CFAP58: variants seen among roughly 807,000 people sequenced by gnomAD.
The protein encoded by CFAP58 is cilia- and flagella-associated protein 58.
Under a neutral mutation model 119.5 loss-of-function variants are expected in CFAP58, and 88 were observed. The ratio of observed to expected loss-of-function variants is 0.74; its 90% CI spans 0.62 to 0.88. The LOEUF (loss-of-function observed/expected upper bound fraction) is 0.88. Among genes scored for constraint, CFAP58 ranks in the 40% least tolerant of loss-of-function variants. The pLI, the probability that CFAP58 is intolerant of heterozygous loss-of-function variation, is 0.00. For synonymous variants in CFAP58, 365 were observed against 366.3 expected (o/e 1.00, Z 0.04); for missense variants, 990 against 1,021.2 (o/e 0.97, Z 0.42).
At chr10:104,341,272 T>C in the CFAP58 span, among the ~76,000 whole-genome samples, 7 of 151,872 alleles carry the variant, frequency 4.6e-5, no homozygotes, top group South Asian at 1.5e-3. Context: ...AAATTAAGAA[T>C]TATTAATAAT....
At position 104,392,455 on chromosome 10, in the gene CFAP58, TTC is replaced by T. The variant is rs918051472; in HGVS notation, c.1527+63_1527+64del. ...ATTTTTACCCTGCATTTAAAACAGT[TTC>T]TGTTATCCTAATGGCAGAATTTAGA... On this transcript the variant is annotated intron_variant, in intron 10 of 17. Coordinates refer to ENST00000369704, the MANE Select transcript of CFAP58 (RefSeq NM_001008723.2). 5.7e-6 allele frequency: 7 copies of T among 1,238,548 alleles called. No individual in the cohort carries two copies. The African/African-American group carries it at 1.1e-4, about 19-fold the overall frequency. The allele number at this position is 1,238,548 out of a possible 1,614,324, so 76.7% of individuals were successfully genotyped here.
At position 104,392,256 on chromosome 10, in the gene CFAP58, A is replaced by G; in HGVS notation, c.1389A>G (p.Ile463Met). 1.2e-6 allele frequency: 2 copies of G among 1,611,810 alleles called. No homozygotes were observed. The highest frequency in any genetic ancestry group is 8.5e-7 in the Non-Finnish European group (1 of 1,179,322). The change falls in exon 10 of 18, where the codon ATA (isoleucine) becomes ATG (methionine). Residue 463 changes from isoleucine (I) to methionine (M), a missense_variant. Physicochemically the swap from Ile to Met is conservative, Grantham distance 10. Transcript: ENST00000369704. ...AGGTCCTTATGAACATGGAAGACAT[A>G]AAAGTTCGTGAAACACAGATTTTTG... ...TQKVLMNMEDIKVRETQIFDY... is the reference protein window; with the variant it reads ...TQKVLMNMEDMKVRETQIFDY...
chr10:104,403,688 G>T, intron 13 of CFAP58, 41 bp from the exon 14 acceptor site: 1 of 1,338,766 alleles, frequency 7.5e-7, no homozygotes, highest in South Asian at 1.2e-5. Context: ...ATATTCAAAC[G>T]GGTGGATAAT....
rs142663106 is a variant in CFAP58 at position 104,450,935 on chromosome 10, A to G, written c.2510+731A>G. On this transcript the variant is annotated intron_variant, in intron 17 of 17. Transcript: ENST00000369704. ...CTGCTGTGGAGGGTTGATGTGACCTATTCTTCTAGGAGATGATAATGAAGA... is the reference window on the plus strand; with the variant it reads ...CTGCTGTGGAGGGTTGATGTGACCTGTTCTTCTAGGAGATGATAATGAAGA... Among the ~76,000 whole-genome samples, 786 of 151,996 alleles carry G rather than the reference A, an allele frequency of 5.2e-3. 2 individuals are homozygous for G. The highest frequency in any genetic ancestry group is 0.017 in the Middle Eastern group (5 of 294).
At position 104,364,905 on chromosome 10, in the gene CFAP58, CAAG is replaced by C; in HGVS notation, c.597+23_597+25del. ...CATCAGTCAGGTCTGCCATGGAGGGCAAGAAGAAGGAATATTTCCTTCCAGAGG... is the reference window on the plus strand; with the variant it reads ...CATCAGTCAGGTCTGCCATGGAGGGCAAGAAGGAATATTTCCTTCCAGAGG... On this transcript the variant is annotated intron_variant, in intron 4 of 17. Transcript: ENST00000369704. 6.2e-7 allele frequency: 1 copy of C among 1,605,754 alleles called. No homozygotes were observed. The highest frequency in any genetic ancestry group is 8.5e-7 in the Non-Finnish European group (1 of 1,176,918).
At chr10:104,368,401 C>T (rs557129519) in intron 5 of CFAP58, 22 bp from the exon 6 acceptor site, 1 of 1,612,114 alleles carries the variant, frequency 6.2e-7, no homozygotes, top group Non-Finnish European at 8.5e-7. Flanking sequence ...AAGCATTAAC[C>T]AGCTCATTCC....
intron 4 of CFAP58, among the ~76,000 whole-genome samples, chr10:104,365,400 C>G (rs2014728138): frequency 6.6e-6 from 1 of 152,090 alleles, no homozygotes; most frequent in South Asian, 2.1e-4. Flanking sequence ...TCAAGATAAA[C>G]CTATAATGCT....
At chr10:104,342,903 G>A in the CFAP58 span, among the ~76,000 whole-genome samples, 1 of 150,334 alleles carries the variant, frequency 6.7e-6, no homozygotes, top group Non-Finnish European at 1.5e-5. Flanking sequence ...AACTGCAGGG[G>A]AGCTTCACAC....
chr10:104,434,545 A>G (rs1466084044), intron 15 of CFAP58, among the ~76,000 whole-genome samples: 1 of 152,240 alleles, frequency 6.6e-6, no homozygotes, highest in Non-Finnish European at 1.5e-5. Flanking sequence ...GTGGAATCCC[A>G]ACATTCATGC....
intron 14 of CFAP58, among the ~76,000 whole-genome samples, chr10:104,404,617 CT>C (rs982868507): frequency 1.2e-4 from 18 of 147,642 alleles, no homozygotes; most frequent in Admixed American, 2.0e-4. Flanking sequence ...TTTTGTTTTT[CT>C]TTTTTTTTTG....
chr10:104,389,278 C>T (rs972949064), intron 9 of CFAP58, among the ~76,000 whole-genome samples: 1 of 152,092 alleles, frequency 6.6e-6, no homozygotes, highest in Admixed American at 6.5e-5. Context: ...CTGACGGGTT[C>T]TTATTACTCC....
intron 13 of CFAP58, 115 bp downstream of exon 13, chr10:104,401,018 G>A: frequency 2.9e-6 from 2 of 695,948 alleles, no homozygotes; most frequent in Non-Finnish European, 4.9e-6. Flanking sequence ...TGTACAAAAT[G>A]AAGTTTACAG....
intron 2 of CFAP58, 53 bp from the exon 3 acceptor site, chr10:104,361,970 T>G: frequency 6.4e-7 from 1 of 1,554,546 alleles, no homozygotes. Flanking sequence ...TGGTTTATCT[T>G]GCATCTAGAA....
intron 15 of CFAP58, among the ~76,000 whole-genome samples, chr10:104,433,198 A>G (rs2012877458): frequency 2.6e-5 from 4 of 152,180 alleles, no homozygotes; most frequent in Admixed American, 2.6e-4. Context: ...GGATCAAGCC[A>G]TCCACCTGCC....
At chr10:104,421,740 C>A (rs1200921643) in intron 15 of CFAP58, among the ~76,000 whole-genome samples, 1 of 152,220 alleles carries the variant, frequency 6.6e-6, no homozygotes, top group Admixed American at 6.5e-5. Context: ...CTTCTCTAAG[C>A]CTCAGGTTTT....
intron 7 of CFAP58, among the ~76,000 whole-genome samples, chr10:104,376,400 G>A (rs1271439227): frequency 6.6e-6 from 1 of 150,836 alleles, no homozygotes. Context: ...AGCTGCTCGA[G>A]AGGTTGAGGC....
intron 12 of CFAP58, among the ~76,000 whole-genome samples, chr10:104,400,191 G>A (rs2012237305): frequency 6.6e-6 from 1 of 152,126 alleles, no homozygotes; most frequent in Non-Finnish European, 1.5e-5. Context: ...CTGTCACCCA[G>A]GCTGGAGTGT....
intron 17 of CFAP58, among the ~76,000 whole-genome samples, chr10:104,451,641 A>T (rs368656992): frequency 3.9e-5 from 6 of 152,214 alleles, no homozygotes; most frequent in African/African-American, 1.2e-4. Flanking sequence ...TTAGGATATC[A>T]AGGTTGTGCT....
chr10:104,367,087 G>A (rs1465045828), intron 5 of CFAP58, among the ~76,000 whole-genome samples: 1 of 152,108 alleles, frequency 6.6e-6, no homozygotes, highest in East Asian at 1.9e-4. Flanking sequence ...TCGAGCTCCT[G>A]ACCTCAAGTA....
Sources: allele counts gnomAD v4.1 joint callset (sites outside exome capture counted in the v4.1 genomes callset), GRCh38; gene constraint gnomAD v4.1.1; transcripts MANE v1.5; gene names NCBI Gene and HGNC (gene_info 2026-07-23, HGNC 2026-07-21).